The following DZIP3 variants were observed in gnomAD, a reference collection of about 807,000 sequenced individuals.
The protein encoded by DZIP3 is DAZ interacting zinc finger protein 3, also known as E3 ubiquitin-protein ligase DZIP3.
A neutral mutation model predicts 162.0 loss-of-function variants in DZIP3; 118 were observed. The observed-to-expected ratio is 0.73, with a 90% CI of 0.63 to 0.85. The LOEUF (loss-of-function observed/expected upper bound fraction) is 0.85, where lower values mean the gene tolerates loss of function less well. DZIP3 is among the 40% of genes least tolerant of loss of function. DZIP3 has a pLI of 0.00. For synonymous variants in DZIP3, 438 were observed against 458.6 expected, an observed-to-expected ratio of 0.96 and a Z score of 0.57; for missense variants, 1,331 against 1,407.0, an observed-to-expected ratio of 0.95 and a Z score of 0.86.
chr3:108,602,936 C>T (rs1411013638), intron 1 of DZIP3: 1 of 152,212 alleles, frequency 6.6e-6, no homozygotes, highest in East Asian at 1.9e-4. Context: ...TGAAAAAGCC[C>T]TAGCCTTTCT....
chr3:108,596,747 G>A (rs1488617022), intron 1 of DZIP3, among the ~76,000 whole-genome samples: 1 of 152,198 alleles, frequency 6.6e-6, no homozygotes, highest in African/African-American at 2.4e-5. Context: ...TGCTTAACGT[G>A]TGCCAGGTGC....
rs558148637 is a variant in DZIP3, at chr3:108,667,242, G to T, written c.2424-2439G>T. Among the ~76,000 whole-genome samples, 130 of 152,056 alleles carry T rather than the reference G, an allele frequency of 8.5e-4. 1 individual carries two copies. Among genetic ancestry groups the T allele is most frequent in the African/African-American group, 2.6e-3 (109 of 41,512 alleles). On this transcript the variant is annotated intron_variant, in intron 21 of 32. Coordinates refer to ENST00000361582, the MANE Select transcript of DZIP3 (RefSeq NM_014648.4). ...AACAAAAAGCTGTGTCTTTGAAAAG[G>T]TCAATAAAATTGACAAACCTCTAGC...
At chr3:108,610,836 C>T (rs1559724442) in intron 3 of DZIP3, among the ~76,000 whole-genome samples, 2 of 152,190 alleles carry the variant, frequency 1.3e-5, no homozygotes, top group Non-Finnish European at 2.9e-5. Flanking sequence ...GATGTTGAGT[C>T]ATTCTACTTT....
intron 2 of DZIP3, 80 bp downstream of exon 2, chr3:108,605,518 C>T (rs41267019): frequency 0.25 from 362,712 of 1,451,020 alleles, 47,890 homozygotes; most frequent in East Asian, 0.46. Context: ...GGTGGGGGTG[C>T]GGGGAATGGT....
intron 12 of DZIP3, among the ~76,000 whole-genome samples, chr3:108,641,388 GT>G (rs1448183231): frequency 6.6e-6 from 1 of 151,998 alleles, no homozygotes; most frequent in Non-Finnish European, 1.5e-5. Context: ...TAGTTGTAGT[GT>G]TTTCATTTTT....
chr3:108,660,864 G>T (rs568343529), intron 19 of DZIP3, among the ~76,000 whole-genome samples: 82 of 152,288 alleles, frequency 5.4e-4, no homozygotes, highest in Non-Finnish European at 9.7e-4. Flanking sequence ...CATATATGCA[G>T]CCAAAAGACA....
chr3:108,626,695 A>G (rs568972711), intron 7 of DZIP3, among the ~76,000 whole-genome samples: 84 of 152,360 alleles, frequency 5.5e-4, no homozygotes, highest in Admixed American at 1.5e-3. Context: ...TCCTGTCTTC[A>G]TGTAACTGAA....
chr3:108,674,155 T>C lies in DZIP3; in HGVS notation c.2667T>C (p.Leu889=), dbSNP rs1240541253. The stretch of plus-strand genomic sequence containing the variant: ...CTGAAAAGGAATGTCTCAATCAGCT[T>C]GCCAGGGTGACTCACATGGCAGCAA... The part of the protein sequence containing the change: ...EQTEKECLNQ[L]ARVTHMAASN... The change falls in exon 24 of 33, where the codon CTT becomes CTC. Residue 889 remains leucine, a synonymous_variant. Coordinates refer to ENST00000361582, the MANE Select transcript of DZIP3 (RefSeq NM_014648.4). 4 of 1,612,362 alleles carry C rather than the reference T, an allele frequency of 2.5e-6. No individual in the cohort carries two copies. The highest frequency in any genetic ancestry group is 3.4e-6 in the Non-Finnish European group (4 of 1,178,914).
chr3:108,637,575 A>G (rs1334706739), intron 12 of DZIP3, 27 bp downstream of exon 12: 1 of 1,591,246 alleles, frequency 6.3e-7, no homozygotes, highest in East Asian at 2.3e-5. Flanking sequence ...ATACTCTGTT[A>G]CCTTTTTTGG....
At chr3:108,641,570 G>T (rs1489709779) in intron 12 of DZIP3, among the ~76,000 whole-genome samples, 2 of 152,136 alleles carry the variant, frequency 1.3e-5, no homozygotes, top group African/African-American at 4.8e-5. Flanking sequence ...AAGTAGAATT[G>T]CTAGGCCACC....
intron 23 of DZIP3, among the ~76,000 whole-genome samples, chr3:108,673,441 C>A (rs1943995559): frequency 6.6e-6 from 1 of 151,558 alleles, no homozygotes; most frequent in Admixed American, 6.6e-5. Context: ...CAGTAAATTT[C>A]TTTGTGCTTC....
intron 18 of DZIP3, among the ~76,000 whole-genome samples, chr3:108,653,234 GT>G (rs902424462): frequency 6.6e-6 from 1 of 151,478 alleles, no homozygotes; most frequent in African/African-American, 2.4e-5. Flanking sequence ...CTTATATCGT[GT>G]TTTATGAATT....
intron 15 of DZIP3, among the ~76,000 whole-genome samples, 174 bp downstream of exon 15, chr3:108,646,823 A>T (rs1278498497): frequency 6.6e-6 from 1 of 152,174 alleles, no homozygotes; most frequent in Non-Finnish European, 1.5e-5. Flanking sequence ...CAGGTGGATC[A>T]CAAGGTCAGG....
At chr3:108,692,354 A>C (rs1185567933) in intron 32 of DZIP3, among the ~76,000 whole-genome samples, 1 of 152,134 alleles carries the variant, frequency 6.6e-6, no homozygotes, top group Non-Finnish European at 1.5e-5. Context: ...CCATGGGCTA[A>C]AGAATTTACA....
chr3:108,622,125 A>G (rs1941382338), intron 5 of DZIP3, among the ~76,000 whole-genome samples: 2 of 152,188 alleles, frequency 1.3e-5, no homozygotes, highest in Non-Finnish European at 2.9e-5. Context: ...TAAACCAGAT[A>G]GAGAAAGACA....
chr3:108,680,466 A>G (rs761827527), intron 26 of DZIP3, among the ~76,000 whole-genome samples: 2 of 152,152 alleles, frequency 1.3e-5, no homozygotes, highest in Non-Finnish European at 2.9e-5. Context: ...ATCAACATAC[A>G]AGAATCAATA....
intron 3 of DZIP3, among the ~76,000 whole-genome samples, chr3:108,609,284 G>A (rs1220645498): frequency 6.6e-6 from 1 of 152,072 alleles, no homozygotes; most frequent in African/African-American, 2.4e-5. Context: ...CATAAAATAA[G>A]CACGGTATTC....
chr3:108,611,005 G>T (rs1174190326), intron 3 of DZIP3, among the ~76,000 whole-genome samples, 169 bp from the exon 4 acceptor site: 1 of 152,160 alleles, frequency 6.6e-6, no homozygotes. Context: ...TTCCTAGAGA[G>T]CAGAGAACAT....
At chr3:108,633,453 C>T (rs560947660) in intron 9 of DZIP3, among the ~76,000 whole-genome samples, 2 of 152,136 alleles carry the variant, frequency 1.3e-5, no homozygotes, top group East Asian at 1.9e-4. Flanking sequence ...AAGGCTGTCA[C>T]TCCGCAGGAA....
Sources: allele counts gnomAD v4.1 joint callset (sites outside exome capture counted in the v4.1 genomes callset), GRCh38; gene constraint gnomAD v4.1.1; transcripts MANE v1.5; gene names NCBI Gene and HGNC (gene_info 2026-07-23, HGNC 2026-07-21).